DOK4: variants seen among roughly 807,000 people sequenced by gnomAD.
The protein encoded by DOK4 is docking protein 4.
A neutral mutation model predicts 40.1 loss-of-function variants in DOK4; 26 were observed. The observed-to-expected ratio is 0.65, with a 90% CI of 0.48 to 0.90. The LOEUF is 0.90. DOK4 is among the 40% of genes least tolerant of loss of function. DOK4 has a pLI of 0.00. For synonymous variants in DOK4, 179 were observed against 177.0 expected, an observed-to-expected ratio of 1.01 and a Z score of -0.09; for missense variants, 392 against 437.2, an observed-to-expected ratio of 0.90 and a Z score of 0.92.
intron 2 of DOK4, chr16:57,478,726 C>T: frequency 6.5e-6 from 1 of 152,896 alleles, no homozygotes; most frequent in Non-Finnish European, 1.5e-5. Flanking sequence ...CTCCAAGCCC[C>T]CAGTTCAGGG....
Position 57,479,547 on chromosome 16 carries a change from C to G in DOK4, c.-40G>C. 1 of 1,609,374 alleles carries G rather than the reference C, an allele frequency of 6.2e-7. No homozygotes were observed. ...TTAGGGGCGCGGGGCCTGGCAGAGG[C>G]GAGGGGAAGGATGCCCAGGTGCCTG... On this transcript the variant is annotated 5_prime_UTR_variant, in exon 2 of 9. Transcript: ENST00000340099. The surrounding 1 kb of genome is among the most constrained non-coding windows in gnomAD (Gnocchi z 5.8).
intron 1 of DOK4, among the ~76,000 whole-genome samples, chr16:57,482,071 A>G (rs1436686275): frequency 1.3e-5 from 2 of 152,054 alleles, no homozygotes. Context: ...TCACCGTGTT[A>G]GCCAGGATGG....
At chr16:57,482,642 C>CA (rs1158596354) in intron 1 of DOK4, among the ~76,000 whole-genome samples, 2 of 152,114 alleles carry the variant, frequency 1.3e-5, no homozygotes, top group Non-Finnish European at 2.9e-5. Flanking sequence ...TCTGGGATTA[C>CA]AGGCGTGAGC....
chr16:57,486,900 A>G (rs1239661429), upstream of DOK4, among the ~76,000 whole-genome samples: 1 of 151,664 alleles, frequency 6.6e-6, no homozygotes, highest in Non-Finnish European at 1.5e-5. Context: ...CTCACAGCCC[A>G]GCTCTCCCAG....
At chr16:57,477,917 G>A (rs970499825) in intron 2 of DOK4, among the ~76,000 whole-genome samples, 12 of 152,188 alleles carry the variant, frequency 7.9e-5, no homozygotes, top group Non-Finnish European at 1.6e-4. Context: ...CCCCATCCAG[G>A]CTGTGCCCAC....
chr16:57,485,954 G>A lies in DOK4; in HGVS notation c.-182+351C>T, dbSNP rs1165016662. ...AGCAGGAAGGCAGAGAGAAGGTTGG[G>A]AGCTGCCAGGGGCTGGGTTATGCCC... On this transcript the variant is annotated intron_variant, in intron 1 of 8. Coordinates refer to ENST00000340099, the Ensembl canonical transcript of DOK4. The surrounding 1 kb of genome is among the most constrained non-coding windows in gnomAD (Gnocchi z 4.3). Among the ~76,000 whole-genome samples the A allele has an allele frequency of 6.6e-6, 1 of 152,220 alleles. No homozygotes were observed. The highest frequency in any genetic ancestry group is 1.5e-5 in the Non-Finnish European group (1 of 68,034).
In DOK4 at chr16:57,474,996, G is replaced by A. The variant is rs765784696; in HGVS notation, c.410-14C>T. 1 of 1,602,558 alleles carries A rather than the reference G, an allele frequency of 6.2e-7. No homozygotes were observed. The highest frequency in any genetic ancestry group is 8.5e-7 in the Non-Finnish European group (1 of 1,172,398). On this transcript the variant is annotated splice_polypyrimidine_tract_variant and intron_variant, in intron 5 of 8. Transcript: ENST00000340099. ...CATTGAAGCGATCTGGAGTGGGGGAGGGTGGACAAGTGGGACCAGAGTTGC... is the reference window on the plus strand; with the variant it reads ...CATTGAAGCGATCTGGAGTGGGGGAAGGTGGACAAGTGGGACCAGAGTTGC...
rs1481485979 is a variant in DOK4 at position 57,475,795 on chromosome 16, T to A, written c.174+55A>T. The A allele has an allele frequency of 1.4e-4, 181 of 1,337,330 alleles. No individual in the cohort carries two copies. In the African/African-American group the frequency reaches 2.5e-3, roughly 18 times the overall value. 82.8% of individuals were successfully genotyped at this position (1,337,330 alleles called of 1,614,324 possible). Reference sequence around the variant, plus strand: ...TCTCTCCCCTCTCTCCCTCTCTCTCTCTCCATCCCCCACAGCCCTGCCACT... The same window carrying A: ...TCTCTCCCCTCTCTCCCTCTCTCTCACTCCATCCCCCACAGCCCTGCCACT... On this transcript the variant is annotated intron_variant, in intron 3 of 8. Coordinates refer to ENST00000340099, the Ensembl canonical transcript of DOK4.
upstream of DOK4, among the ~76,000 whole-genome samples, chr16:57,486,883 C>T (rs752062544): frequency 1.3e-5 from 2 of 152,182 alleles, no homozygotes; most frequent in Non-Finnish European, 2.9e-5. Context: ...TCATGACTCT[C>T]TGGGCCCTCA....
rs771285451 is a variant in DOK4 at position 57,475,527 on chromosome 16, G to A, written c.268C>T (p.Arg90Cys). 5.2e-5 allele frequency: 84 copies of A among 1,608,194 alleles called. 1 individual carries two copies. Among genetic ancestry groups the A allele is most frequent in the South Asian group, 4.4e-4 (40 of 90,240 alleles). The change falls in exon 4 of 9, where the codon CGT (arginine) becomes TGT (cysteine). Residue 90 changes from arginine (R) to cysteine (C), a missense_variant. Physicochemically the swap from Arg to Cys is radical, Grantham distance 180. Coordinates refer to ENST00000340099, the Ensembl canonical transcript of DOK4. Reference sequence around the variant, plus strand: ...TCACCTGAGTCGCAGGTGAAGGTACGTGCCGAGTCATCAGTGAATATGATG... The same window carrying A: ...TCACCTGAGTCGCAGGTGAAGGTACATGCCGAGTCATCAGTGAATATGATG...
chr16:57,487,273 T>A (rs2031565338), upstream of DOK4: 1 of 152,216 alleles, frequency 6.6e-6, no homozygotes, highest in African/African-American at 2.4e-5. Context: ...TCTCAAAGTG[T>A]AGTCCCTGGA....
intron 1 of DOK4, among the ~76,000 whole-genome samples, chr16:57,483,426 T>C (rs2146670252): frequency 6.7e-6 from 1 of 150,236 alleles, no homozygotes. Flanking sequence ...GGGCCAGGAG[T>C]TCAAGACCAG....
intron 1 of DOK4, among the ~76,000 whole-genome samples, chr16:57,486,103 C>G (rs1437994022): frequency 6.6e-6 from 1 of 152,012 alleles, no homozygotes; most frequent in African/African-American, 2.4e-5. Flanking sequence ...GTGGAGAGAG[C>G]GCAGGGAGTT....
chr16:57,479,610 T>C lies in DOK4; in HGVS notation c.-103A>G. The C allele has an allele frequency of 7.6e-7, 1 of 1,315,402 alleles. No homozygotes were observed. Among genetic ancestry groups the C allele is most frequent in the Non-Finnish European group, 1.1e-6 (1 of 928,010 alleles). The allele number at this position is 1,315,402 out of a possible 1,614,324, so 81.5% of individuals were successfully genotyped here. ...CTCCAATCACCTGTTCCAGACACTC[T>C]GTCGGGGCTGCCGCGAGGGGCTGCT... On this transcript the variant is annotated 5_prime_UTR_variant, in exon 2 of 9. Coordinates refer to ENST00000340099, the Ensembl canonical transcript of DOK4. This position sits in a 1 kb window ranked among gnomAD's most constrained non-coding sequence, Gnocchi z 5.8.
chr16:57,484,591 G>A (rs950718450), intron 1 of DOK4, among the ~76,000 whole-genome samples: 1 of 152,170 alleles, frequency 6.6e-6, no homozygotes, highest in East Asian at 1.9e-4. Context: ...TAATGCTGTG[G>A]CCCCGTACCA....
intron 3 of DOK4, 68 bp downstream of exon 3, chr16:57,475,782 C>T (rs1394361044): frequency 7.2e-6 from 10 of 1,392,812 alleles, no homozygotes; most frequent in South Asian, 1.2e-5. Flanking sequence ...TCTCCCCTCT[C>T]TCCCTCTCTC....
intron 2 of DOK4, 184 bp from the exon 3 acceptor site, chr16:57,476,141 C>A: frequency 1.7e-6 from 1 of 596,224 alleles, no homozygotes; most frequent in Non-Finnish European, 3.0e-6. Context: ...GAAGCCTCCT[C>A]CCCAAATTGA....
At chr16:57,481,727 GGGC>G (rs2031415450) in intron 1 of DOK4, 1 of 152,156 alleles carries the variant, frequency 6.6e-6, no homozygotes, top group African/African-American at 2.4e-5. Context: ...GTGTGGTCCT[GGGC>G]AAGCCGCTTA....
At position 57,480,940 on chromosome 16, in the gene DOK4, A is replaced by G. The variant is rs576264340; in HGVS notation, c.-181-1252T>C. On this transcript the variant is annotated intron_variant, in intron 1 of 8. Coordinates refer to ENST00000340099, the Ensembl canonical transcript of DOK4. ...TGATGGAGACCAGTCTGTGGGGGGAACATCCTGCTGCCGTCTCTGGCTGCC... is the reference window on the plus strand; with the variant it reads ...TGATGGAGACCAGTCTGTGGGGGGAGCATCCTGCTGCCGTCTCTGGCTGCC... Among the ~76,000 whole-genome samples, 28 of 152,290 alleles carry G rather than the reference A, an allele frequency of 1.8e-4. No homozygotes were observed. In the East Asian group the frequency reaches 4.6e-3, roughly 25 times the overall value.
Sources: allele counts gnomAD v4.1 joint callset (sites outside exome capture counted in the v4.1 genomes callset), GRCh38; gene constraint gnomAD v4.1.1; non-coding constraint Gnocchi (gnomAD v3.1); transcripts MANE v1.5; gene names NCBI Gene and HGNC (gene_info 2026-07-23, HGNC 2026-07-21).